Variants in PTPRD observed in about 807,000 individuals in gnomAD.
PTPRD encodes receptor-type tyrosine-protein phosphatase delta.
A neutral mutation model predicts 214.5 loss-of-function variants in PTPRD; 34 were observed. The observed-to-expected ratio is 0.16, with a 90% CI of 0.12 to 0.21. PTPRD has a LOEUF of 0.21. Among genes scored for constraint, PTPRD ranks in the 10% least tolerant of loss-of-function variants. The pLI is 1.00. For missense variants in PTPRD, 2,545 were observed against 2,398.7 expected, an observed-to-expected ratio of 1.06 and a Z score of -1.27; for synonymous variants, 1,128 against 845.7, an observed-to-expected ratio of 1.33 and a Z score of -5.79.
chr9:10,094,093 C>T (rs978354271), intron 3 of PTPRD, among the ~76,000 whole-genome samples: 7 of 151,042 alleles, frequency 4.6e-5, no homozygotes, highest in African/African-American at 7.3e-5. Context: ...CCAAAATCAA[C>T]GTTAAAAATA....
chr9:10,434,407 A>C (rs1428969598), intron 2 of PTPRD, among the ~76,000 whole-genome samples: 2 of 151,944 alleles, frequency 1.3e-5, no homozygotes, highest in African/African-American at 4.8e-5. Context: ...AACTCTTAAG[A>C]AAATGTTAAA....
chr9:9,337,815 T>C (rs1182381247), intron 9 of PTPRD, among the ~76,000 whole-genome samples: 1 of 152,194 alleles, frequency 6.6e-6, no homozygotes, highest in Non-Finnish European at 1.5e-5. Flanking sequence ...AACTACATTA[T>C]AAGTTTCTCT....
At chr9:8,889,069 C>T (rs1374719070) in intron 11 of PTPRD, among the ~76,000 whole-genome samples, 1 of 152,170 alleles carries the variant, frequency 6.6e-6, no homozygotes, top group East Asian at 1.9e-4. Flanking sequence ...ACCTGTGTCC[C>T]TCCTATTGCA....
intron 7 of PTPRD, among the ~76,000 whole-genome samples, chr9:9,575,517 A>T (rs1182448251): frequency 6.6e-6 from 1 of 151,562 alleles, no homozygotes; most frequent in African/African-American, 2.4e-5. Flanking sequence ...TCAGGAGTTC[A>T]AGACAAGCCT....
intron 10 of PTPRD, among the ~76,000 whole-genome samples, chr9:9,078,691 G>C (rs1262583023): frequency 6.6e-6 from 1 of 152,030 alleles, no homozygotes; most frequent in African/African-American, 2.4e-5. Context: ...CTGCAGGAAA[G>C]TATGGATGGC....
chr9:8,414,966 A>C (rs1012864257), intron 35 of PTPRD, among the ~76,000 whole-genome samples: 3 of 149,724 alleles, frequency 2.0e-5, no homozygotes, highest in African/African-American at 7.5e-5. Context: ...AGAGAGAGAG[A>C]GAGAGAGACA....
chr9:9,586,481 A>T (rs2091982654), intron 7 of PTPRD, among the ~76,000 whole-genome samples: 1 of 152,022 alleles, frequency 6.6e-6, no homozygotes, highest in African/African-American at 2.4e-5. Context: ...CTCATTGAAC[A>T]TTATTGCTTC....
intron 11 of PTPRD, among the ~76,000 whole-genome samples, chr9:8,738,855 A>C (rs1365834075): frequency 1.3e-5 from 2 of 152,204 alleles, no homozygotes. Context: ...TTCTATCATA[A>C]CAAACCCATC....
chr9:8,507,410 T>G lies in PTPRD; in HGVS notation c.1568A>C (p.Lys523Thr). Residue 523 changes from lysine to threonine, a missense_variant, in exon 22 of 46, where the codon AAA (lysine) becomes ACA (threonine). Lys to Thr is a moderately conservative substitution (Grantham distance 78). Transcript: ENST00000381196. ...TGVPGQPLNF[K>T]AEPESETSIL... Reference sequence around the variant, plus strand: ...ACTTGTTTCAGACTCAGGTTCTGCTTTGAAGTTTAGTGGCTGCCCTGGTAC... The same window carrying G: ...ACTTGTTTCAGACTCAGGTTCTGCTGTGAAGTTTAGTGGCTGCCCTGGTAC... The G allele has an allele frequency of 6.2e-7, 1 of 1,613,970 alleles. No individual in the cohort carries two copies. Among genetic ancestry groups the G allele is most frequent in the Admixed American group, 1.7e-5 (1 of 60,020 alleles).
intron 3 of PTPRD, among the ~76,000 whole-genome samples, chr9:10,055,817 AT>A (rs2097627943): frequency 1.3e-5 from 2 of 151,618 alleles, no homozygotes; most frequent in African/African-American, 4.9e-5. Flanking sequence ...AATATAATGT[AT>A]AATGTATACA....
chr9:9,621,904 G>A (rs553228867), intron 7 of PTPRD, among the ~76,000 whole-genome samples: 2 of 152,202 alleles, frequency 1.3e-5, no homozygotes, highest in East Asian at 1.9e-4. Context: ...TATTCCTCTT[G>A]AAGGCTTCTA....
intron 7 of PTPRD, among the ~76,000 whole-genome samples, chr9:9,712,482 C>G (rs1311712292): frequency 6.6e-6 from 1 of 152,144 alleles, no homozygotes; most frequent in Non-Finnish European, 1.5e-5. Flanking sequence ...CTCTTTCAGT[C>G]AAAAACACAT....
chr9:9,962,754 T>C (rs1196024316), intron 4 of PTPRD, among the ~76,000 whole-genome samples: 2 of 152,128 alleles, frequency 1.3e-5, no homozygotes, highest in Non-Finnish European at 2.9e-5. Context: ...TGGCTGAAAC[T>C]ACACATTCAA....
chr9:8,901,344 C>T (rs964015667), intron 11 of PTPRD, among the ~76,000 whole-genome samples: 1 of 152,170 alleles, frequency 6.6e-6, no homozygotes, highest in African/African-American at 2.4e-5. Context: ...AATTCCCTTT[C>T]CTCAATTATG....
intron 11 of PTPRD, among the ~76,000 whole-genome samples, chr9:8,763,446 G>A (rs964646302): frequency 1.1e-4 from 16 of 151,986 alleles, no homozygotes; most frequent in African/African-American, 3.9e-4. Context: ...TCCAGGAGGA[G>A]GAGGTTGCAG....
chr9:9,645,114 C>T (rs1300888484), intron 7 of PTPRD, among the ~76,000 whole-genome samples: 2 of 152,166 alleles, frequency 1.3e-5, no homozygotes, highest in Non-Finnish European at 2.9e-5. Context: ...GGGCCAGAGC[C>T]CAAAAGCGCT....
intron 14 of PTPRD, among the ~76,000 whole-genome samples, chr9:8,610,267 A>G (rs1315907744): frequency 2.6e-5 from 4 of 152,204 alleles, no homozygotes; most frequent in African/African-American, 9.6e-5. Context: ...ACACATATAT[A>G]TATTTTTTGT....
At chr9:10,174,236 T>G (rs1402935528) in intron 3 of PTPRD, among the ~76,000 whole-genome samples, 1 of 152,174 alleles carries the variant, frequency 6.6e-6, no homozygotes, top group Non-Finnish European at 1.5e-5. Context: ...ATGGGAGATG[T>G]TTGGGTCCTG....
rs2097840343 is a variant in PTPRD, at chr9:10,382,192, ACT to A, written c.-599-41177_-599-41176del. Among the ~76,000 whole-genome samples the A allele has an allele frequency of 2.0e-5, 3 of 151,836 alleles. No homozygotes were observed. In the South Asian group the frequency reaches 6.2e-4, roughly 31 times the overall value. ...TGATCTTTCTAATACGTAATAGCTGACTCTGTCATTTAATTTCAGTAACTCCA... is the reference window on the plus strand; with the variant it reads ...TGATCTTTCTAATACGTAATAGCTGACTGTCATTTAATTTCAGTAACTCCA... On this transcript the variant is annotated intron_variant, in intron 2 of 45. Coordinates refer to ENST00000381196, the MANE Select transcript of PTPRD (RefSeq NM_002839.4).
Sources: allele counts gnomAD v4.1 joint callset (sites outside exome capture counted in the v4.1 genomes callset), GRCh38; gene constraint gnomAD v4.1.1; transcripts MANE v1.5; gene names NCBI Gene and HGNC (gene_info 2026-07-23, HGNC 2026-07-21).